SMTNL2: variants seen among roughly 807,000 people sequenced by gnomAD.
The protein encoded by SMTNL2 is smoothelin-like protein 2.
SMTNL2 carries 43 observed loss-of-function variants against 44.1 expected under a neutral mutation model. That is an observed-to-expected ratio of 0.98 (90% confidence interval 0.76 to 1.26). SMTNL2 has a LOEUF of 1.26. Ranked by LOEUF, SMTNL2 falls within the 50% of genes most tolerant of loss-of-function variation. SMTNL2 has a pLI of 0.00. For synonymous variants in SMTNL2, 317 were observed against 287.6 expected, an observed-to-expected ratio of 1.10 and a Z score of -1.03; for missense variants, 646 against 670.2, an observed-to-expected ratio of 0.96 and a Z score of 0.40.
At chr17:4,588,420 G>T (rs374697198) in intron 1 of SMTNL2, among the ~76,000 whole-genome samples, 2 of 152,322 alleles carry the variant, frequency 1.3e-5, no homozygotes, top group East Asian at 3.9e-4. Context: ...CCGAGCTGGG[G>T]AATCTTGGGG....
At chr17:4,589,998 G>T (rs968731004) in intron 1 of SMTNL2, among the ~76,000 whole-genome samples, 2 of 116,112 alleles carry the variant, frequency 1.7e-5, no homozygotes, top group African/African-American at 3.4e-5. Context: ...ACAGAGTCTC[G>T]CTCTGTTGCT....
chr17:4,586,179 G>T (rs73331911), intron 1 of SMTNL2, among the ~76,000 whole-genome samples: 373 of 152,346 alleles, frequency 2.4e-3, no homozygotes, highest in African/African-American at 8.3e-3. Flanking sequence ...AATGCCCCTA[G>T]TGTGCTGGGC....
At chr17:4,593,717 A>G (rs1909679243) in intron 3 of SMTNL2, 105 bp from the exon 4 acceptor site, 1 of 1,139,924 alleles carries the variant, frequency 8.8e-7, no homozygotes, top group South Asian at 1.4e-5. Flanking sequence ...TCATCCATGC[A>G]GCGATGCCGG....
intron 4 of SMTNL2, among the ~76,000 whole-genome samples, chr17:4,594,651 C>T (rs1340941410): frequency 6.6e-6 from 1 of 151,814 alleles, no homozygotes; most frequent in African/African-American, 2.4e-5. Context: ...TGGCACAGGC[C>T]TCCCCCCAGC....
At chr17:4,585,101 C>A in intron 1 of SMTNL2, 97 bp downstream of exon 1, 1 of 1,223,900 alleles carries the variant, frequency 8.2e-7, no homozygotes, top group Non-Finnish European at 1.0e-6. Flanking sequence ...CTCGCGTCTG[C>A]GGGGTTGGGG....
At chr17:4,584,271 T>C (rs951505642), upstream of SMTNL2, among the ~76,000 whole-genome samples, 6 of 152,182 alleles carry the variant, frequency 3.9e-5, no homozygotes, top group African/African-American at 1.4e-4. Context: ...GGGTGTGCTC[T>C]CTACGGTCCA....
rs140742014 is a variant in SMTNL2, at chr17:4,593,869, G to A, written c.778G>A (p.Ala260Thr). The A allele has an allele frequency of 3.6e-4, 585 of 1,613,928 alleles. 1 individual carries two copies. Among genetic ancestry groups the A allele is most frequent in the Non-Finnish European group, 4.8e-4 (568 of 1,179,996 alleles). ...TWSVPSSGYG[A>T]VTASKHSNSP... ...GTCTGTGCCAAGCTCTGGCTATGGG[G>A]CAGTGACAGCAAGCAAACACAGCAA... Residue 260 changes from alanine to threonine, a missense_variant, in exon 4 of 8, where the codon GCA (alanine) becomes ACA (threonine). Transcript: ENST00000389313.
Position 4,592,928 on chromosome 17 carries a change from G to C in SMTNL2, c.488-1G>C. The C allele has an allele frequency of 2.5e-6, 4 of 1,610,212 alleles. No individual in the cohort carries two copies. The highest frequency in any genetic ancestry group is 2.5e-6 in the Non-Finnish European group (3 of 1,177,270). On this transcript the variant is annotated splice_acceptor_variant, in intron 2 of 7. Coordinates refer to ENST00000389313, the MANE Select transcript of SMTNL2 (RefSeq NM_001114974.2). LOFTEE classifies it high-confidence loss of function. This position sits in a 1 kb window ranked among gnomAD's most constrained non-coding sequence, Gnocchi z 4.5. ...CCACCCATGCTGGTCACATGTTCCA[G>C]GTCCAGGCGATGGACCCCCTGAGAT...
rs888246074 is a variant in SMTNL2 at position 4,598,514 on chromosome 17, T to C, written c.1259+1191T>C. Among the ~76,000 whole-genome samples, 4 of 152,206 alleles carry C rather than the reference T, an allele frequency of 2.6e-5. No homozygotes were observed. The highest frequency in any genetic ancestry group is 5.9e-5 in the Non-Finnish European group (4 of 68,032). ...CCTTGTTTGTTTCTGGTCTGAGTCC[T>C]CAGTGCCCACATTTAAGAGTGGTCC... On this transcript the variant is annotated intron_variant, in intron 7 of 7. Transcript: ENST00000389313. The surrounding 1 kb of genome is among the most constrained non-coding windows in gnomAD (Gnocchi z 4.8).
At position 4,598,575 on chromosome 17, in the gene SMTNL2, G is replaced by T. The variant is rs1909908940; in HGVS notation, c.1259+1252G>T. Among the ~76,000 whole-genome samples, 2 of 152,156 alleles carry T rather than the reference G, an allele frequency of 1.3e-5. No homozygotes were observed. Among genetic ancestry groups the T allele is most frequent in the South Asian group, 4.1e-4 (2 of 4,828 alleles). On this transcript the variant is annotated intron_variant, in intron 7 of 7. Coordinates refer to ENST00000389313, the MANE Select transcript of SMTNL2 (RefSeq NM_001114974.2). The surrounding 1 kb of genome is among the most constrained non-coding windows in gnomAD (Gnocchi z 4.8). Reference sequence around the variant, plus strand: ...ACGGTGGCTCCCACCTGTAATCCTAGCACTTTGGGAGGCCAAGGCGGGTGG... The same window carrying T: ...ACGGTGGCTCCCACCTGTAATCCTATCACTTTGGGAGGCCAAGGCGGGTGG...
chr17:4,593,935 C>A, intron 4 of SMTNL2, 38 bp downstream of exon 4: 1 of 1,609,738 alleles, frequency 6.2e-7, no homozygotes, highest in Non-Finnish European at 8.5e-7. Context: ...GTCGCTGCGC[C>A]CCAGGTGTCT....
intron 1 of SMTNL2, among the ~76,000 whole-genome samples, chr17:4,585,882 G>A (rs1205498372): frequency 7.9e-5 from 12 of 152,346 alleles, no homozygotes; most frequent in Non-Finnish European, 1.3e-4. Flanking sequence ...TGGACCCTAG[G>A]GGGCCTGGAG....
chr17:4,594,290 A>C (rs538816876), intron 4 of SMTNL2, among the ~76,000 whole-genome samples: 2 of 152,126 alleles, frequency 1.3e-5, no homozygotes, highest in Admixed American at 1.3e-4. Flanking sequence ...CTCCACTAAA[A>C]ATACAAAAAT....
At position 4,596,965 on chromosome 17, in the gene SMTNL2, G is replaced by C. The variant is rs547597629; in HGVS notation, c.1095G>C (p.Thr365=). Residue 365 remains threonine, a synonymous_variant, in exon 6 of 8, where the codon ACG becomes ACC. Transcript: ENST00000389313. ...TGCTCGAGTGGTGCCGCAGCAAGAC[G>C]CTGGGCTACCAGGTGAGCCCCGGCT... is the stretch of plus-strand genomic sequence containing the variant. ...QILLEWCRSK[T]LGYQHVDLQN... 3.2e-5 allele frequency: 49 copies of C among 1,513,738 alleles called. No homozygotes were observed. Among genetic ancestry groups the C allele is most frequent in the Middle Eastern group, 1.9e-4 (1 of 5,288 alleles). 93.8% of individuals were successfully genotyped at this position (1,513,738 alleles called of 1,614,324 possible).
chr17:4,603,582 G>T (rs1229084017), intron 7 of SMTNL2, among the ~76,000 whole-genome samples: 2 of 152,064 alleles, frequency 1.3e-5, no homozygotes, highest in Non-Finnish European at 2.9e-5. Context: ...TCTGACGGGG[G>T]TGTTTGGATG....
intron 1 of SMTNL2, among the ~76,000 whole-genome samples, chr17:4,591,516 G>T (rs1038123): frequency 0.99 from 150,628 of 152,376 alleles, 74,471 homozygotes; most frequent in East Asian, 1. Flanking sequence ...CCCCATCTCT[G>T]AAATGGCTCT....
intron 7 of SMTNL2, among the ~76,000 whole-genome samples, chr17:4,603,964 C>T (rs530106511): frequency 6.6e-6 from 1 of 152,252 alleles, no homozygotes; most frequent in East Asian, 1.9e-4. Context: ...CCTGCCTCAG[C>T]CTCCCGAGTA....
intron 1 of SMTNL2, among the ~76,000 whole-genome samples, chr17:4,591,663 A>G (rs1264774642): frequency 3.3e-5 from 5 of 152,236 alleles, no homozygotes; most frequent in Non-Finnish European, 5.9e-5. Context: ...TTTCTCAAAC[A>G]GGGAAACAGA....
chr17:4,596,524 G>A (rs1909821865), intron 5 of SMTNL2, among the ~76,000 whole-genome samples: 1 of 152,230 alleles, frequency 6.6e-6, no homozygotes, highest in Admixed American at 6.5e-5. Context: ...GCAGAAGGCA[G>A]GGGCCCAGGG....
Sources: gnomAD v4.1 joint callset for allele counts (sites outside exome capture counted in the v4.1 genomes callset) on GRCh38, gnomAD v4.1.1 for gene constraint, Gnocchi (gnomAD v3.1) non-coding constraint, MANE v1.5 for transcripts, NCBI Gene and HGNC (gene_info 2026-07-23, HGNC 2026-07-21) for gene names.